Variants in PUM3 observed in about 807,000 individuals in gnomAD.
PUM3 encodes pumilio homolog 3.
PUM3 carries 91 observed loss-of-function variants against 84.0 expected under a neutral mutation model. That is an observed-to-expected ratio of 1.08 (90% CI 0.91 to 1.29). The LOEUF (loss-of-function observed/expected upper bound fraction) is 1.29. Ranked by LOEUF, PUM3 falls within the 50% of genes most tolerant of loss-of-function variation. The pLI is 0.00. For synonymous variants in PUM3, 321 were observed against 266.7 expected (o/e 1.20, Z -1.98); for missense variants, 1,067 against 767.5 (o/e 1.39, Z -4.61).
rs758187077 is a variant in PUM3, at chr9:2,820,108, T to A, written c.1189-10A>T. ...AATGGGAGTATTGGCCCTGCAAGAATTGGAAGCCAGCAAAGGTTAAAAACA... is the reference window on the plus strand; with the variant it reads ...AATGGGAGTATTGGCCCTGCAAGAAATGGAAGCCAGCAAAGGTTAAAAACA... On this transcript the variant is annotated splice_polypyrimidine_tract_variant and intron_variant, in intron 12 of 17. Coordinates refer to ENST00000397885, the MANE Select transcript of PUM3 (RefSeq NM_014878.5). 4 of 1,597,286 alleles carry A rather than the reference T, an allele frequency of 2.5e-6. No homozygotes were observed. Among genetic ancestry groups the A allele is most frequent in the Middle Eastern group, 1.7e-4 (1 of 6,010 alleles).
intron 13 of PUM3, among the ~76,000 whole-genome samples, chr9:2,812,980 ACT>A (rs1821402618): frequency 6.6e-6 from 1 of 152,146 alleles, no homozygotes; most frequent in Non-Finnish European, 1.5e-5. Context: ...AGATAAAGAA[ACT>A]CTGTTAAATC....
At chr9:2,825,014 A>G (rs73639227) in intron 10 of PUM3, among the ~76,000 whole-genome samples, 199 bp from the exon 11 acceptor site, 14,496 of 152,292 alleles carry the variant, frequency 0.095, 1,227 homozygotes, top group African/African-American at 0.22. Context: ...CAAGAGCAGT[A>G]AATACTGCTG....
chr9:2,814,397 G>A (rs980100928), intron 13 of PUM3, among the ~76,000 whole-genome samples: 67 of 152,096 alleles, frequency 4.4e-4, no homozygotes, highest in Non-Finnish European at 1.5e-5. Context: ...TTTTAGTAGA[G>A]ATGGGGTTTC....
chr9:2,813,506 G>A (rs1386424145), intron 13 of PUM3, among the ~76,000 whole-genome samples: 1 of 152,194 alleles, frequency 6.6e-6, no homozygotes, highest in African/African-American at 2.4e-5. Context: ...GGATCTGCCA[G>A]GGGACTCACA....
chr9:2,817,645 G>T (rs1034986969), intron 13 of PUM3, among the ~76,000 whole-genome samples: 6 of 152,274 alleles, frequency 3.9e-5, no homozygotes, highest in African/African-American at 1.4e-4. Flanking sequence ...GAAAGGATAA[G>T]GAAATGCAGA....
chr9:2,815,746 C>T (rs971597163), intron 13 of PUM3, among the ~76,000 whole-genome samples: 13 of 152,140 alleles, frequency 8.5e-5, no homozygotes, highest in African/African-American at 2.9e-4. Context: ...TGAGTTTTTA[C>T]CCTCAAGAGA....
chr9:2,837,399 A>C lies in PUM3; in HGVS notation c.85T>G (p.Ser29Ala), dbSNP rs758200088. Residue 29 changes from serine to alanine, a missense_variant and splice_region_variant, in exon 3 of 18, where the codon TCT becomes GCT. By Grantham distance (99) the Ser-to-Ala change is moderately conservative. Transcript: ENST00000397885. ...EKNRFHKNSD[S>A]GSSKTFPTRK... ...GTTGGAAATGTCTTTGAAGAACCAG[A>C]ATCTAGTGACAATAATAATTATAAG... is the stretch of plus-strand genomic sequence containing the variant. 6.3e-7 allele frequency: 1 copy of C among 1,591,340 alleles called. No individual in the cohort carries two copies. Among genetic ancestry groups the C allele is most frequent in the Admixed American group, 1.7e-5 (1 of 59,562 alleles).
intron 9 of PUM3, among the ~76,000 whole-genome samples, 177 bp from the exon 10 acceptor site, chr9:2,827,328 G>C (rs180899651): frequency 6.6e-6 from 1 of 152,280 alleles, no homozygotes; most frequent in East Asian, 1.9e-4. Flanking sequence ...CAAAAATTTA[G>C]ATGGTAAAAT....
chr9:2,834,568 C>G (rs560264435), intron 3 of PUM3, among the ~76,000 whole-genome samples: 2 of 152,232 alleles, frequency 1.3e-5, no homozygotes, highest in South Asian at 2.1e-4. Context: ...AAAACAACTT[C>G]GAAAATTCAC....
chr9:2,820,752 A>G (rs1288132910), intron 12 of PUM3, among the ~76,000 whole-genome samples: 3 of 152,252 alleles, frequency 2.0e-5, no homozygotes, highest in Non-Finnish European at 4.4e-5. Flanking sequence ...TATAAAAATC[A>G]TTACTTTAAA....
intron 1 of PUM3, among the ~76,000 whole-genome samples, chr9:2,841,861 T>C (rs12341106): frequency 0.035 from 5,350 of 152,266 alleles, 106 homozygotes; most frequent in East Asian, 0.063. Context: ...AATGTGCATA[T>C]AGTCAAGTTT....
intron 16 of PUM3, 128 bp from the exon 17 acceptor site, chr9:2,808,032 A>G (rs1821297287): frequency 3.2e-6 from 2 of 615,956 alleles, no homozygotes; most frequent in African/African-American, 1.9e-5. Flanking sequence ...CTTTCACCCA[A>G]TCTCCCTTTT....
intron 13 of PUM3, among the ~76,000 whole-genome samples, chr9:2,814,755 C>T (rs1346556396): frequency 1.3e-5 from 2 of 151,562 alleles, no homozygotes; most frequent in Admixed American, 1.3e-4. Context: ...CTGCCCTTAA[C>T]AAAATGACTC....
intron 2 of PUM3, 77 bp downstream of exon 2, chr9:2,838,349 A>G: frequency 1.1e-6 from 1 of 940,672 alleles, no homozygotes; most frequent in Non-Finnish European, 1.8e-6. Flanking sequence ...GCCAATGAAT[A>G]CAGATTGAAA....
rs190147284 is a variant in PUM3 at position 2,823,810 on chromosome 9, T to C, written c.1159A>G (p.Met387Val). 63 of 1,529,748 alleles carry C rather than the reference T, an allele frequency of 4.1e-5. No individual in the cohort carries two copies. Among genetic ancestry groups the C allele is most frequent in the Admixed American group, 3.6e-4 (20 of 55,932 alleles). The allele number at this position is 1,529,748 out of a possible 1,614,324, so 94.8% of individuals were successfully genotyped here. Residue 387 changes from methionine (M) to valine (V), a missense_variant, in exon 12 of 18, where the codon ATG (methionine) becomes GTG (valine). Coordinates refer to ENST00000397885, the MANE Select transcript of PUM3 (RefSeq NM_014878.5). The stretch of plus-strand genomic sequence containing the variant: ...GCCACCTTTTCAACATAAGTCTTCA[T>C]TGTTTTCACAATCACTTTCCTGTCC... ...PKDRKVIVKTMKTYVEKVANG... is the reference protein window; with the variant it reads ...PKDRKVIVKTVKTYVEKVANG...
At chr9:2,827,246 A>C in intron 9 of PUM3, 95 bp from the exon 10 acceptor site, 1 of 786,536 alleles carries the variant, frequency 1.3e-6, no homozygotes. Flanking sequence ...TAATCTAAAC[A>C]AGTGAAATGG....
intron 3 of PUM3, among the ~76,000 whole-genome samples, chr9:2,835,996 T>C (rs1317221728): frequency 2.0e-5 from 3 of 151,422 alleles, no homozygotes; most frequent in Non-Finnish European, 4.4e-5. Flanking sequence ...AAAGAGAAAG[T>C]AGAAAAGAGA....
At chr9:2,825,991 C>T (rs1273571286) in intron 10 of PUM3, among the ~76,000 whole-genome samples, 1 of 152,182 alleles carries the variant, frequency 6.6e-6, no homozygotes, top group African/African-American at 2.4e-5. Flanking sequence ...CCCAAGATGA[C>T]TCTCAAGAGC....
chr9:2,834,598 T>A (rs1816071050), intron 3 of PUM3, among the ~76,000 whole-genome samples: 1 of 152,192 alleles, frequency 6.6e-6, no homozygotes, highest in African/African-American at 2.4e-5. Context: ...TGCTGTTGTA[T>A]ATTAAGTCAC....
Sources: allele counts gnomAD v4.1 joint callset (sites outside exome capture counted in the v4.1 genomes callset), GRCh38; gene constraint gnomAD v4.1.1; transcripts MANE v1.5; gene names NCBI Gene and HGNC (gene_info 2026-07-23, HGNC 2026-07-21).